The following FOCAD variants were observed in gnomAD, a reference collection of about 807,000 sequenced individuals.
The protein encoded by FOCAD is KIAA1797.
Under a neutral mutation model 225.6 loss-of-function variants are expected in FOCAD, and 198 were observed. The ratio of observed to expected loss-of-function variants is 0.88; its 90% confidence interval spans 0.78 to 0.99. The LOEUF is 0.99. Ranked by LOEUF, FOCAD falls within the 50% of genes least tolerant of loss-of-function variation. FOCAD has a pLI of 0.00. For synonymous variants in FOCAD, 897 were observed against 755.0 expected, an observed-to-expected ratio of 1.19 and a Z score of -3.08; for missense variants, 2,713 against 2,123.6, an observed-to-expected ratio of 1.28 and a Z score of -5.46.
At chr9:20,867,483 C>T (rs1164587155) in intron 18 of FOCAD, among the ~76,000 whole-genome samples, 1 of 151,948 alleles carries the variant, frequency 6.6e-6, no homozygotes, top group Non-Finnish European at 1.5e-5. Flanking sequence ...GTATCACTAT[C>T]TTTTAAGAGT....
intron 5 of FOCAD, 87 bp downstream of exon 5, chr9:20,740,427 G>T: frequency 1.3e-6 from 1 of 785,524 alleles, no homozygotes; most frequent in South Asian, 1.9e-5. Flanking sequence ...GTAAGAATTA[G>T]TTATTTAATT....
At chr9:20,663,603 A>G (rs1006201366) in intron 2 of FOCAD, among the ~76,000 whole-genome samples, 2 of 152,140 alleles carry the variant, frequency 1.3e-5, no homozygotes, top group South Asian at 4.1e-4. Context: ...CATCAAAAAC[A>G]ATTCTAAGAC....
chr9:20,841,343 T>G (rs559082688), intron 15 of FOCAD, among the ~76,000 whole-genome samples: 20 of 151,970 alleles, frequency 1.3e-4, no homozygotes, highest in Non-Finnish European at 2.7e-4. Context: ...TATAAATGTC[T>G]TTTGATTGCA....
chr9:20,674,964 A>G (rs949057898), intron 2 of FOCAD, among the ~76,000 whole-genome samples: 8 of 152,210 alleles, frequency 5.3e-5, no homozygotes, highest in South Asian at 2.1e-4. Context: ...GGGCAGAACT[A>G]TACCTATGGA....
chr9:20,739,124 G>A (rs17832099), intron 4 of FOCAD, among the ~76,000 whole-genome samples: 26,523 of 151,718 alleles, frequency 0.17, 2,695 homozygotes, highest in Non-Finnish European at 0.23. Context: ...AATACACTCA[G>A]TAACATCTCA....
chr9:20,820,607 A>C (rs1489181715), intron 13 of FOCAD, among the ~76,000 whole-genome samples, 182 bp downstream of exon 13: 1 of 152,168 alleles, frequency 6.6e-6, no homozygotes, highest in Non-Finnish European at 1.5e-5. Flanking sequence ...CTTTCAGAGA[A>C]ATTGAGAATA....
At chr9:20,760,907 A>G (rs565201902) in intron 6 of FOCAD, among the ~76,000 whole-genome samples, 60 of 152,276 alleles carry the variant, frequency 3.9e-4, no homozygotes, top group African/African-American at 1.4e-3. Flanking sequence ...ATGAGTAGCG[A>G]TTCACAACTA....
At chr9:20,914,857 A>C (rs1833743687) in intron 23 of FOCAD, among the ~76,000 whole-genome samples, 1 of 152,214 alleles carries the variant, frequency 6.6e-6, no homozygotes, top group Non-Finnish European at 1.5e-5. Flanking sequence ...CCGTTGCAAT[A>C]ATTTAGGCAA....
At position 20,833,884 on chromosome 9, in the gene FOCAD, A is replaced by G. The variant is rs558719404; in HGVS notation, c.1920+10769A>G. On this transcript the variant is annotated intron_variant, in intron 15 of 43. Coordinates refer to ENST00000338382, the MANE Select transcript of FOCAD (RefSeq NM_001375567.1). ...ATTGGAGAATATATGAAGTAACTGG[A>G]TATCTCATATATTGTAAATGTACAA... Among the ~76,000 whole-genome samples the G allele has an allele frequency of 5.3e-5, 8 of 152,262 alleles. No individual in the cohort carries two copies. The South Asian group carries it at 1.5e-3, about 28-fold the overall frequency.
rs567525613 is a variant in FOCAD at position 20,764,686 on chromosome 9, AC to A, written c.495-182del. On this transcript the variant is annotated intron_variant, in intron 6 of 43. Coordinates refer to ENST00000338382, the MANE Select transcript of FOCAD (RefSeq NM_001375567.1). ...GGTGTTGAATAATTTTCCTCAGTGTACAAAGAACTGTTTGGCATAGATGTAG... is the reference window on the plus strand; with the variant it reads ...GGTGTTGAATAATTTTCCTCAGTGTAAAAGAACTGTTTGGCATAGATGTAG... Among the ~76,000 whole-genome samples the A allele has an allele frequency of 1.3e-3, 197 of 152,352 alleles. No homozygotes were observed. In the Middle Eastern group the frequency reaches 0.017, roughly 13 times the overall value.
chr9:20,933,868 C>A (rs1443342139), intron 28 of FOCAD, among the ~76,000 whole-genome samples: 1 of 151,934 alleles, frequency 6.6e-6, no homozygotes, highest in East Asian at 1.9e-4. Flanking sequence ...CGCGTCCACA[C>A]CAACATCTAT....
At chr9:20,806,039 C>G (rs1822414927) in intron 11 of FOCAD, among the ~76,000 whole-genome samples, 1 of 152,100 alleles carries the variant, frequency 6.6e-6, no homozygotes, top group Non-Finnish European at 1.5e-5. Context: ...TGAAACTGTT[C>G]AAAAGCCAAT....
intron 8 of FOCAD, among the ~76,000 whole-genome samples, chr9:20,771,234 G>A (rs1186441951): frequency 6.6e-6 from 1 of 152,176 alleles, no homozygotes; most frequent in South Asian, 2.1e-4. Context: ...ATTAAGCTGT[G>A]GCAAATAGGG....
Position 20,881,907 on chromosome 9 carries a change from A to G in FOCAD, c.2354A>G (p.Glu785Gly). The G allele has an allele frequency of 1.2e-6, 2 of 1,613,572 alleles. No homozygotes were observed. The highest frequency in any genetic ancestry group is 1.7e-6 in the Non-Finnish European group (2 of 1,179,788). The change falls in exon 20 of 44, where the codon GAA becomes GGA. Residue 785 changes from glutamate (E) to glycine (G), a missense_variant. Transcript: ENST00000338382. ...TTTTTTACATCACTTGTGAAGCAAGAAATGGTGAATATGCCTCGTGGGATA... is the reference window on the plus strand; with the variant it reads ...TTTTTTACATCACTTGTGAAGCAAGGAATGGTGAATATGCCTCGTGGGATA... Reference protein sequence around the residue: ...EEFFTSLVKQEMVNMPRGIYH... With the variant: ...EEFFTSLVKQGMVNMPRGIYH...
chr9:20,712,190 T>A (rs1317843390), intron 1 of FOCAD, among the ~76,000 whole-genome samples: 1 of 152,162 alleles, frequency 6.6e-6, no homozygotes, highest in East Asian at 1.9e-4. Context: ...CTGTGAGGCA[T>A]CTAAAACTTA....
chr9:20,790,737 C>T (rs1820437386), intron 11 of FOCAD, among the ~76,000 whole-genome samples: 1 of 152,170 alleles, frequency 6.6e-6, no homozygotes, highest in Admixed American at 6.5e-5. Context: ...CGCCACTGCA[C>T]TTCAGCCTGG....
rs1466835988 is a variant in FOCAD at position 20,850,962 on chromosome 9, ACCT to A, written c.1921-11609_1921-11607del. On this transcript the variant is annotated intron_variant, in intron 15 of 43. Coordinates refer to ENST00000338382, the MANE Select transcript of FOCAD (RefSeq NM_001375567.1). ...GATAGAAAGTATGTTTTAGCAACTG[ACCT>A]CCTCCTGCAAAGCGTCCAGCTTAGT... Among the ~76,000 whole-genome samples, 3 of 150,364 alleles carry A rather than the reference ACCT, an allele frequency of 2.0e-5. No homozygotes were observed. In the Admixed American group the frequency reaches 2.0e-4, roughly 10 times the overall value.
At chr9:20,968,553 T>G in intron 35 of FOCAD, among the ~76,000 whole-genome samples, 1 of 147,226 alleles carries the variant, frequency 6.8e-6, no homozygotes, top group East Asian at 2.1e-4. Flanking sequence ...GTGATTCTCC[T>G]GCCTCAGCCT....
chr9:20,876,791 A>G (rs1010018174), intron 19 of FOCAD, among the ~76,000 whole-genome samples: 1 of 152,156 alleles, frequency 6.6e-6, no homozygotes, highest in Non-Finnish European at 1.5e-5. Flanking sequence ...CACAGGATGA[A>G]TGATATATAT....
Sources: allele counts gnomAD v4.1 joint callset (sites outside exome capture counted in the v4.1 genomes callset), GRCh38; gene constraint gnomAD v4.1.1; transcripts MANE v1.5; gene names NCBI Gene and HGNC (gene_info 2026-07-23, HGNC 2026-07-21).